SYN3: variants seen among roughly 807,000 people sequenced by gnomAD.
The protein encoded by SYN3 is synapsin-3.
Under a neutral mutation model 65.8 loss-of-function variants are expected in SYN3, and 35 were observed. That is an observed-to-expected ratio of 0.53 (90% CI 0.41 to 0.70). SYN3 has a LOEUF of 0.70. SYN3 is among the 30% of genes least tolerant of loss of function. The pLI, the probability that SYN3 is intolerant of heterozygous loss-of-function variation, is 0.00. For missense variants in SYN3, 680 were observed against 749.0 expected, an observed-to-expected ratio of 0.91 and a Z score of 1.08; for synonymous variants, 270 against 292.9, an observed-to-expected ratio of 0.92 and a Z score of 0.80.
intron 6 of SYN3, among the ~76,000 whole-genome samples, chr22:32,771,129 A>G (rs1232426535): frequency 6.6e-6 from 1 of 151,254 alleles, no homozygotes; most frequent in Non-Finnish European, 1.5e-5. Flanking sequence ...TCATTGTTCA[A>G]CTCCCACTTG....
chr22:32,753,243 T>C (rs1365138485), intron 6 of SYN3, among the ~76,000 whole-genome samples: 1 of 152,162 alleles, frequency 6.6e-6, no homozygotes, highest in African/African-American at 2.4e-5. Context: ...ACGGGTCCTG[T>C]GGGCCTGCAG....
At chr22:32,915,856 G>A (rs930454702) in intron 4 of SYN3, among the ~76,000 whole-genome samples, 1 of 152,208 alleles carries the variant, frequency 6.6e-6, no homozygotes, top group Admixed American at 6.5e-5. Flanking sequence ...CTGCTGTGTA[G>A]AGAACAGATT....
intron 4 of SYN3, among the ~76,000 whole-genome samples, chr22:32,880,315 A>C (rs1601609809): frequency 6.6e-6 from 1 of 152,284 alleles, no homozygotes; most frequent in African/African-American, 2.4e-5. Flanking sequence ...CCAGTGACTC[A>C]TGGAGGGAGT....
chr22:32,593,725 AT>A (rs1434406875), intron 7 of SYN3, among the ~76,000 whole-genome samples: 1 of 152,132 alleles, frequency 6.6e-6, no homozygotes, highest in Non-Finnish European at 1.5e-5. Context: ...ATAACTGGAT[AT>A]AAGAGCCTGA....
intron 7 of SYN3, among the ~76,000 whole-genome samples, chr22:32,562,242 C>G (rs1347388818): frequency 6.6e-6 from 1 of 152,218 alleles, no homozygotes; most frequent in Admixed American, 6.5e-5. Flanking sequence ...ATAAAAGTTG[C>G]CGAAACGTCT....
At chr22:32,816,083 C>T (rs1343203452) in intron 6 of SYN3, among the ~76,000 whole-genome samples, 1 of 152,166 alleles carries the variant, frequency 6.6e-6, no homozygotes, top group Non-Finnish European at 1.5e-5. Context: ...CCAGGCTGCC[C>T]TAACCCATGA....
chr22:32,519,051 GGA>G (rs2057829308), intron 12 of SYN3, among the ~76,000 whole-genome samples: 1 of 152,132 alleles, frequency 6.6e-6, no homozygotes, highest in Non-Finnish European at 1.5e-5. Context: ...TGCAGGCCAA[GGA>G]GAGAAGCTGT....
intron 7 of SYN3, among the ~76,000 whole-genome samples, chr22:32,555,918 T>A (rs1003587437): frequency 6.6e-6 from 1 of 152,180 alleles, no homozygotes; most frequent in African/African-American, 2.4e-5. Context: ...TGTCCCAGAC[T>A]CTCAAGACAG....
intron 3 of SYN3, among the ~76,000 whole-genome samples, chr22:32,955,840 G>A (rs2146853982): frequency 6.6e-6 from 1 of 151,938 alleles, no homozygotes; most frequent in Non-Finnish European, 1.5e-5. Context: ...TATAAAGCAG[G>A]CAGAAGAACA....
At chr22:33,039,823 T>G (rs1295282248) in intron 1 of SYN3, among the ~76,000 whole-genome samples, 1 of 152,218 alleles carries the variant, frequency 6.6e-6, no homozygotes, top group East Asian at 1.9e-4. Flanking sequence ...TGTAGTGTAT[T>G]ACTTCTGTGC....
chr22:32,963,277 G>A (rs1039069311), intron 3 of SYN3, among the ~76,000 whole-genome samples: 6 of 145,560 alleles, frequency 4.1e-5, no homozygotes, highest in African/African-American at 1.5e-4. Flanking sequence ...AGTAGAGACA[G>A]GGTTTCACCA....
chr22:32,595,711 T>C (rs959181442), intron 7 of SYN3, among the ~76,000 whole-genome samples: 1 of 152,088 alleles, frequency 6.6e-6, no homozygotes, highest in Non-Finnish European at 1.5e-5. Flanking sequence ...GATTGGATCA[T>C]GGGGGCAGAT....
At position 32,807,392 on chromosome 22, in the gene SYN3, A is replaced by AT. The variant is rs1300419012; in HGVS notation, c.711+57522dup. 1.2e-3 allele frequency among the ~76,000 whole-genome samples: 121 copies of AT among 103,030 alleles called. 1 individual carries two copies. The highest frequency in any genetic ancestry group is 4.6e-3 in the African/African-American group (119 of 26,006). The allele number at this position is 103,030 out of a possible 152,430, so 67.6% of individuals were successfully genotyped here. A position where few individuals can be genotyped will look rare whatever the true frequency, so the allele number is the denominator to read the frequency against. On this transcript the variant is annotated intron_variant, in intron 6 of 13. Transcript: ENST00000358763. ...ATATTATATATAATATATATTATAT[A>AT]TAATATATATATATTATATTTACAT...
chr22:32,518,058 G>C lies in SYN3; in HGVS notation c.1595C>G (p.Pro532Arg). The change falls in exon 13 of 14, where the codon CCC becomes CGC. Residue 532 changes from proline (P) to arginine (R), a missense_variant. Physicochemically the swap from Pro to Arg is moderately radical, Grantham distance 103. Transcript: ENST00000358763. ...QGEESKKPAP[P>R]HPHLNKSQSL... ...AAGCACTTACTTGAGATGCGGATGG[G>C]GTGGTGCTGGCTTCTTGGACTCTTC... 2 of 1,525,596 alleles carry C rather than the reference G, an allele frequency of 1.3e-6. No homozygotes were observed. Among genetic ancestry groups the C allele is most frequent in the Non-Finnish European group, 8.8e-7 (1 of 1,139,092 alleles). 94.5% of individuals were successfully genotyped at this position (1,525,596 alleles called of 1,614,324 possible). A position where few individuals can be genotyped will look rare whatever the true frequency, so the allele number is the denominator to read the frequency against.
intron 6 of SYN3, among the ~76,000 whole-genome samples, chr22:32,627,850 A>T (rs1255913801): frequency 2.6e-5 from 4 of 151,728 alleles, no homozygotes; most frequent in Non-Finnish European, 5.9e-5. Flanking sequence ...TTGTTTTGAG[A>T]CAGAGTCTCA....
At chr22:32,727,155 G>T (rs914855326) in intron 6 of SYN3, among the ~76,000 whole-genome samples, 4 of 152,028 alleles carry the variant, frequency 2.6e-5, no homozygotes, top group African/African-American at 7.2e-5. Context: ...CCACCCTCCT[G>T]CAAGGCTCAG....
At chr22:32,763,876 T>G (rs147161568) in intron 6 of SYN3, among the ~76,000 whole-genome samples, 89 of 151,618 alleles carry the variant, frequency 5.9e-4, no homozygotes, top group African/African-American at 2.0e-3. Flanking sequence ...GGGGGAGGAT[T>G]TGAGGGAAGC....
intron 6 of SYN3, among the ~76,000 whole-genome samples, chr22:32,802,601 A>G (rs909981082): frequency 3.3e-5 from 5 of 151,902 alleles, no homozygotes; most frequent in Non-Finnish European, 5.9e-5. Flanking sequence ...TCCTGCGCCT[A>G]TGAAATTCAT....
intron 7 of SYN3, among the ~76,000 whole-genome samples, chr22:32,547,665 A>C (rs761777113): frequency 1.3e-5 from 2 of 152,222 alleles, no homozygotes; most frequent in African/African-American, 2.4e-5. Context: ...GGAGAGTGGA[A>C]ACAGAGGCAG....
Sources: allele counts gnomAD v4.1 joint callset (sites outside exome capture counted in the v4.1 genomes callset), GRCh38; gene constraint gnomAD v4.1.1; transcripts MANE v1.5; gene names NCBI Gene and HGNC (gene_info 2026-07-23, HGNC 2026-07-21).